Variants in ZNF184 observed in about 807,000 individuals in gnomAD.
ZNF184 encodes the protein zinc finger protein 184 (Kruppel-like).
ZNF184 carries 16 observed loss-of-function variants against 54.4 expected under a neutral mutation model. The ratio of observed to expected loss-of-function variants is 0.29; its 90% CI spans 0.20 to 0.45. ZNF184 has a LOEUF of 0.45. Among genes scored for constraint, ZNF184 ranks in the 20% least tolerant of loss-of-function variants. ZNF184 has a pLI of 1.00. For missense variants in ZNF184, 681 were observed against 888.2 expected (o/e 0.77, Z 2.97); for synonymous variants, 254 against 295.3 (o/e 0.86, Z 1.43).
the ZNF184 span, among the ~76,000 whole-genome samples, chr6:27,431,264 A>G: frequency 1.3e-5 from 2 of 152,156 alleles, no homozygotes; most frequent in South Asian, 4.1e-4. Flanking sequence ...GGGTTCATCC[A>G]TGACCTGGAG....
At chr6:27,460,750 A>G (rs1403743649) in intron 3 of ZNF184, among the ~76,000 whole-genome samples, 1 of 152,218 alleles carries the variant, frequency 6.6e-6, no homozygotes, top group Non-Finnish European at 1.5e-5. Context: ...ACATGACATA[A>G]CTGAATAGAG....
chr6:27,460,306 C>T (rs543552500), intron 3 of ZNF184, among the ~76,000 whole-genome samples: 3 of 152,234 alleles, frequency 2.0e-5, no homozygotes, highest in Admixed American at 6.5e-5. Flanking sequence ...GTATTTAAAA[C>T]TAAGTGAGAG....
At chr6:27,436,741 T>G in the ZNF184 span, among the ~76,000 whole-genome samples, 1 of 152,230 alleles carries the variant, frequency 6.6e-6, no homozygotes, top group African/African-American at 2.4e-5. Flanking sequence ...TATATATGTA[T>G]GTGTCACTTG....
At chr6:27,424,866 G>A in the ZNF184 span, among the ~76,000 whole-genome samples, 5 of 152,226 alleles carry the variant, frequency 3.3e-5, no homozygotes, top group Non-Finnish European at 5.9e-5. Flanking sequence ...ACTGGGCGCC[G>A]TGGAACAGGG....
At chr6:27,464,017 TG>T (rs1763064078) in intron 3 of ZNF184, among the ~76,000 whole-genome samples, 1 of 152,074 alleles carries the variant, frequency 6.6e-6, no homozygotes, top group Non-Finnish European at 1.5e-5. Flanking sequence ...TAGAAAAGTG[TG>T]GGGGCCTGTC....
In ZNF184 at chr6:27,451,553, G is replaced by C. The variant is rs1479747967; in HGVS notation, c.2006C>G (p.Pro669Arg). 1 of 1,614,098 alleles carries C rather than the reference G, an allele frequency of 6.2e-7. No individual in the cohort carries two copies. The change falls in exon 6 of 6, where the codon CCC (proline) becomes CGC (arginine). Residue 669 changes from proline to arginine, a missense_variant. Pro to Arg is a moderately radical substitution (Grantham distance 103). Transcript: ENST00000683788. ...TTTGTCACATTCATTGCACTTATAG[G>C]GCTTCTCCCCAGTGTGAATTCGTTG... ...QHQRIHTGEK[P>R]YKCNECDKAF...
chr6:27,414,213 C>T, the ZNF184 span, among the ~76,000 whole-genome samples: 10 of 152,212 alleles, frequency 6.6e-5, no homozygotes, highest in Non-Finnish European at 1.3e-4. Context: ...GCTACCATAT[C>T]TCTGCTAGAC....
chr6:27,455,829 C>T (rs1056138806), intron 5 of ZNF184, among the ~76,000 whole-genome samples: 5 of 152,132 alleles, frequency 3.3e-5, no homozygotes, highest in Non-Finnish European at 5.9e-5. Flanking sequence ...ACTCTAGAGA[C>T]GTATCGCTTA....
chr6:27,458,295 TAAAAAAA>T (rs55966783), intron 3 of ZNF184, among the ~76,000 whole-genome samples: 1 of 62,364 alleles, frequency 1.6e-5, no homozygotes, highest in African/African-American at 6.8e-5. Flanking sequence ...TTCTGCACAG[TAAAAAAA>T]AAAAAAAAAA....
chr6:27,436,091 G>A, the ZNF184 span, among the ~76,000 whole-genome samples: 1 of 152,120 alleles, frequency 6.6e-6, no homozygotes, highest in Non-Finnish European at 1.5e-5. Context: ...TATGACGTTA[G>A]CTGTGTGTTT....
At chr6:27,436,700 T>A in the ZNF184 span, among the ~76,000 whole-genome samples, 7 of 152,236 alleles carry the variant, frequency 4.6e-5, no homozygotes, top group African/African-American at 9.6e-5. Context: ...TTGATCTTCA[T>A]AATTTTTCTC....
At chr6:27,430,547 G>A in the ZNF184 span, among the ~76,000 whole-genome samples, 1 of 152,060 alleles carries the variant, frequency 6.6e-6, no homozygotes, top group African/African-American at 2.4e-5. Context: ...AGAAGAGGAG[G>A]GTACAATGGA....
downstream of ZNF184, among the ~76,000 whole-genome samples, chr6:27,446,791 G>GCCCAAC (rs1762641653): frequency 6.6e-6 from 1 of 152,180 alleles, no homozygotes; most frequent in Admixed American, 6.5e-5. Flanking sequence ...GGCCTTGGCT[G>GCCCAAC]CCCAACCCCA....
Position 27,451,015 on chromosome 6 carries a change from AT to A in ZNF184, c.*287del. 2 of 294,636 alleles carry A rather than the reference AT, an allele frequency of 6.8e-6. No individual in the cohort carries two copies. Among genetic ancestry groups the A allele is most frequent in the South Asian group, 1.0e-4 (1 of 9,806 alleles). 18.3% of individuals were successfully genotyped at this position (294,636 alleles called of 1,614,324 possible). A position where few individuals can be genotyped will look rare whatever the true frequency, so the allele number is the denominator to read the frequency against. On this transcript the variant is annotated 3_prime_UTR_variant, in exon 6 of 6. Transcript: ENST00000683788. ...ACCCATTCAAGAAAATATTGTAAATATACAAAACTGATTATAAAACTCCAAA... is the reference window on the plus strand; with the variant it reads ...ACCCATTCAAGAAAATATTGTAAATAACAAAACTGATTATAAAACTCCAAA...
intron 5 of ZNF184, among the ~76,000 whole-genome samples, chr6:27,456,607 G>A (rs1762859384): frequency 6.6e-6 from 1 of 152,098 alleles, no homozygotes; most frequent in African/African-American, 2.4e-5. Context: ...AAGGTAGGAA[G>A]GACATCTCCT....
the ZNF184 span, among the ~76,000 whole-genome samples, chr6:27,433,975 T>TCCC: frequency 1.2e-4 from 4 of 33,992 alleles, no homozygotes; most frequent in Non-Finnish European, 3.2e-4. Context: ...TCTCCCTCCC[T>TCCC]TCCTTCCTTC....
the ZNF184 span, among the ~76,000 whole-genome samples, chr6:27,425,757 T>C: frequency 6.6e-6 from 1 of 152,340 alleles, no homozygotes; most frequent in Admixed American, 6.5e-5. Context: ...GTCATCTTCT[T>C]ACTACTCAGT....
At chr6:27,417,369 T>C in the ZNF184 span, among the ~76,000 whole-genome samples, 1 of 152,070 alleles carries the variant, frequency 6.6e-6, no homozygotes, top group Non-Finnish European at 1.5e-5. Context: ...GTTCCCTTTC[T>C]CTCTAGACAA....
the ZNF184 span, among the ~76,000 whole-genome samples, chr6:27,425,127 G>T: frequency 1.2e-4 from 18 of 152,198 alleles, no homozygotes; most frequent in African/African-American, 3.9e-4. Context: ...CCGAGCGCGG[G>T]GCCCGCCAAG....
Sources: gnomAD v4.1 joint callset for allele counts (sites outside exome capture counted in the v4.1 genomes callset) on GRCh38, gnomAD v4.1.1 for gene constraint, MANE v1.5 for transcripts, NCBI Gene and HGNC (gene_info 2026-07-23, HGNC 2026-07-21) for gene names.